The following DRC8 variants were observed in gnomAD, a reference collection of about 807,000 sequenced individuals.
The protein encoded by DRC8 is dynein regulatory complex subunit 8.
chr1:244,983,352 C>T, the DRC8 span, among the ~76,000 whole-genome samples: 1 of 152,078 alleles, frequency 6.6e-6, no homozygotes, highest in Non-Finnish European at 1.5e-5. Context: ...CTATTAGAAA[C>T]ATTTTTTCAT....
the DRC8 span, among the ~76,000 whole-genome samples, chr1:244,986,207 G>A: frequency 6.6e-6 from 1 of 151,272 alleles, no homozygotes; most frequent in Non-Finnish European, 1.5e-5. Context: ...CGCCCACCTC[G>A]GCCTCCCAAA....
the DRC8 span, among the ~76,000 whole-genome samples, chr1:245,013,304 A>T: frequency 6.4e-4 from 98 of 152,314 alleles, no homozygotes; most frequent in African/African-American, 2.2e-3. Flanking sequence ...ATGAGAAGAA[A>T]TCTCAACAGA....
chr1:245,063,966 G>T, the DRC8 span, among the ~76,000 whole-genome samples: 1 of 152,058 alleles, frequency 6.6e-6, no homozygotes, highest in East Asian at 1.9e-4. Context: ...CAGGTGATCC[G>T]CCCTCCTCGG....
the DRC8 span, among the ~76,000 whole-genome samples, chr1:245,048,998 T>G: frequency 0.59 from 88,277 of 149,764 alleles, 27,364 homozygotes; most frequent in East Asian, 0.73. Context: ...TTTTTTTTTT[T>G]TTTTTGAGAC....
chr1:244,974,174 C>T, the DRC8 span, among the ~76,000 whole-genome samples: 1 of 152,058 alleles, frequency 6.6e-6, no homozygotes, highest in Non-Finnish European at 1.5e-5. Flanking sequence ...TCTGTTTTGT[C>T]TGTTTAAATG....
the DRC8 span, chr1:245,087,902 A>G: frequency 2.3e-5 from 13 of 555,324 alleles, no homozygotes; most frequent in Non-Finnish European, 2.8e-5. Flanking sequence ...GTAAACATTT[A>G]TATTTGCTGA....
chr1:245,089,437 A>G, the DRC8 span, among the ~76,000 whole-genome samples: 3 of 152,122 alleles, frequency 2.0e-5, no homozygotes, highest in African/African-American at 7.2e-5. The surrounding 1 kb of genome is among the most constrained non-coding windows in gnomAD (Gnocchi z 4.8). Flanking sequence ...AAGAGCCCAC[A>G]AAAGAGACTG....
the DRC8 span, among the ~76,000 whole-genome samples, chr1:245,112,548 A>C: frequency 1.3e-5 from 2 of 152,178 alleles, no homozygotes; most frequent in Non-Finnish European, 2.9e-5. Flanking sequence ...GTAACTTTTA[A>C]ACTTCTTTAT....
chr1:245,045,621 G>A, the DRC8 span, among the ~76,000 whole-genome samples: 1 of 152,206 alleles, frequency 6.6e-6, no homozygotes, highest in East Asian at 1.9e-4. Context: ...GCCAACCAGA[G>A]GCTGAAGTGA....
the DRC8 span, chr1:245,087,970 A>G: frequency 1.4e-5 from 4 of 282,966 alleles, no homozygotes; most frequent in Non-Finnish European, 2.1e-5. Context: ...GGAACTAGAG[A>G]AAAGAAGGTT....
At chr1:244,979,085 C>G in the DRC8 span, among the ~76,000 whole-genome samples, 1 of 151,982 alleles carries the variant, frequency 6.6e-6, no homozygotes, top group Non-Finnish European at 1.5e-5. Flanking sequence ...TTTATTCCCT[C>G]TCATAGCTAT....
At chr1:245,074,356 A>T in the DRC8 span, among the ~76,000 whole-genome samples, 1 of 152,222 alleles carries the variant, frequency 6.6e-6, no homozygotes, top group South Asian at 2.1e-4. Flanking sequence ...TCTCTATCAA[A>T]TACAATAAAA....
chr1:245,083,640 C>T, the DRC8 span: 12 of 1,609,746 alleles, frequency 7.5e-6, no homozygotes, highest in Middle Eastern at 6.6e-4. Context: ...TTCAGCTAAA[C>T]GTGGGTTTCT....
the DRC8 span, among the ~76,000 whole-genome samples, chr1:244,988,511 G>T: frequency 6.6e-6 from 1 of 152,146 alleles, no homozygotes; most frequent in Non-Finnish European, 1.5e-5. Flanking sequence ...ATTTAGGAAA[G>T]ATGATATGCG....
At chr1:245,022,149 CT>C in the DRC8 span, among the ~76,000 whole-genome samples, 262 of 143,032 alleles carry the variant, frequency 1.8e-3, no homozygotes, top group Middle Eastern at 7.5e-3. Context: ...AAAACACAGA[CT>C]TTTTTTTTTT....
chr1:245,021,922 G>T, the DRC8 span, among the ~76,000 whole-genome samples: 3 of 152,132 alleles, frequency 2.0e-5, no homozygotes, highest in Non-Finnish European at 4.4e-5. Flanking sequence ...CGATCCTCCT[G>T]TCTCAGCCTC....
the DRC8 span, among the ~76,000 whole-genome samples, chr1:245,069,891 A>T: frequency 2.6e-5 from 4 of 152,038 alleles, no homozygotes; most frequent in African/African-American, 9.7e-5. Flanking sequence ...AAAAATTTTT[A>T]AAAATTAGCC....
At chr1:245,092,887 T>C in the DRC8 span, among the ~76,000 whole-genome samples, 1 of 152,128 alleles carries the variant, frequency 6.6e-6, no homozygotes, top group East Asian at 1.9e-4. Context: ...AGACCTTGTC[T>C]CAAAAAAATA....
chr1:245,004,438 T>A, the DRC8 span, among the ~76,000 whole-genome samples: 4 of 113,468 alleles, frequency 3.5e-5, no homozygotes, highest in Admixed American at 1.8e-4. Flanking sequence ...TTTTTTTTTT[T>A]AAAGGTGGTA....
Sources: allele counts gnomAD v4.1 joint callset (sites outside exome capture counted in the v4.1 genomes callset), GRCh38; gene constraint gnomAD v4.1.1; non-coding constraint Gnocchi (gnomAD v3.1); transcripts MANE v1.5; gene names NCBI Gene and HGNC (gene_info 2026-07-23, HGNC 2026-07-21).